The following GLT8D1 variants were observed in gnomAD, a reference collection of about 807,000 sequenced individuals.
The protein encoded by GLT8D1 is glycosyltransferase 8 domain containing 1, also known as glycosyltransferase 8 domain-containing protein 1.
Under a neutral mutation model 46.2 loss-of-function variants are expected in GLT8D1, and 41 were observed. The observed-to-expected ratio is 0.89, with a 90% CI of 0.69 to 1.15. The LOEUF (loss-of-function observed/expected upper bound fraction) is 1.15, where lower values mean the gene tolerates loss of function less well. Ranked by LOEUF, GLT8D1 falls within the 50% of genes most tolerant of loss-of-function variation. The pLI is 0.00. For synonymous variants in GLT8D1, 150 were observed against 154.2 expected, an observed-to-expected ratio of 0.97 and a Z score of 0.20; for missense variants, 408 against 449.3, an observed-to-expected ratio of 0.91 and a Z score of 0.83.
rs201119326 is a variant in GLT8D1, at chr3:52,695,456, A to G, written c.777T>C (p.Thr259=). 7.4e-6 allele frequency: 12 copies of G among 1,613,934 alleles called. No individual in the cohort carries two copies. Among genetic ancestry groups the G allele is most frequent in the South Asian group, 6.6e-5 (6 of 91,058 alleles). ...NLTEWKRQNI[T]NQLEKWMKLN... ...GTTTCATCCATTTTTCCAGTTGGTT[A>G]GTTATATTCTGTCGTTTCCATTCCG... The change falls in exon 8 of 10, where the codon ACT becomes ACC. Residue 259 remains threonine, a synonymous_variant. Coordinates refer to ENST00000266014, the MANE Select transcript of GLT8D1 (RefSeq NM_018446.4).
intron 5 of GLT8D1, 71 bp from the exon 6 acceptor site, chr3:52,696,389 G>T: frequency 8.5e-7 from 1 of 1,173,302 alleles, no homozygotes; most frequent in Non-Finnish European, 1.3e-6. Flanking sequence ...GAAACTCCTA[G>T]GATGCTTTCA....
chr3:52,696,203 A>C (rs1313333500), intron 6 of GLT8D1, 31 bp downstream of exon 6: 1 of 1,419,320 alleles, frequency 7.0e-7, no homozygotes, highest in South Asian at 1.1e-5. Flanking sequence ...ATCTGGGTGG[A>C]GAACAGCACT....
At position 52,700,353 on chromosome 3, in the gene GLT8D1, G is replaced by T. The variant is rs1430292468; in HGVS notation, c.24C>A (p.Ile8=). 1.2e-6 allele frequency: 2 copies of T among 1,611,768 alleles called. No homozygotes were observed. Among genetic ancestry groups the T allele is most frequent in the Admixed American group, 1.7e-5 (1 of 59,906 alleles). MSFRKVN[I]IILVLAVALF... is the part of the protein sequence containing the mutation. ...GAGCAACAGCCAGGACCAAGATGAT[G>T]ATGTTTACTGAAATAGATAGGGAAA... Residue 8 remains isoleucine, a synonymous_variant, in exon 3 of 10, where the codon ATC becomes ATA. Transcript: ENST00000266014.
chr3:52,694,805 G>A lies in GLT8D1; in HGVS notation c.*40C>T. On this transcript the variant is annotated 3_prime_UTR_variant, in exon 10 of 10. Transcript: ENST00000266014. ...ACTTCCCACGCATGCTATCTTCCAGGACTTCCTGAGAAATGCTTGCTTACA... is the reference window on the plus strand; with the variant it reads ...ACTTCCCACGCATGCTATCTTCCAGAACTTCCTGAGAAATGCTTGCTTACA... The A allele has an allele frequency of 7.2e-7, 1 of 1,394,022 alleles. No homozygotes were observed. Among genetic ancestry groups the A allele is most frequent in the South Asian group, 1.2e-5 (1 of 86,568 alleles). 86.4% of individuals were successfully genotyped at this position (1,394,022 alleles called of 1,614,324 possible). A position where few individuals can be genotyped will look rare whatever the true frequency, so the allele number is the denominator to read the frequency against.
intron 8 of GLT8D1, 47 bp from the exon 9 acceptor site, chr3:52,695,349 A>G (rs770890654): frequency 1.3e-6 from 2 of 1,582,938 alleles, no homozygotes; most frequent in Non-Finnish European, 1.7e-6. Context: ...AGTACTGACT[A>G]ACTCCTGTTA....
At position 52,694,869 on chromosome 3, in the gene GLT8D1, A is replaced by AT; in HGVS notation, c.1091dup (p.Tyr364Ter). 1 of 1,611,344 alleles carries AT rather than the reference A, an allele frequency of 6.2e-7. No homozygotes were observed. Among genetic ancestry groups the AT allele is most frequent in the Non-Finnish European group, 8.5e-7 (1 of 1,177,448 alleles). ...PTGKFNLIRR[Y>*]TEISNIK ...TTCACTTTATGTTTGAGATCTCGGT[A>AT]TATCTTCGGATTAGGTTGAATTTGC... Residue 364 changes from tyrosine (Y) to a stop codon, truncating the protein, a stop_gained and frameshift_variant, in exon 10 of 10, where the codon TAT (tyrosine) becomes TAAT (stop). Transcript: ENST00000266014. LOFTEE classifies it high-confidence loss of function.
At chr3:52,697,039 G>GT (rs1277868445) in intron 4 of GLT8D1, among the ~76,000 whole-genome samples, 2 of 130,050 alleles carry the variant, frequency 1.5e-5, no homozygotes, top group African/African-American at 5.9e-5. Flanking sequence ...TCAAATCAGT[G>GT]TTTTGTGGCT....
At chr3:52,696,862 A>T (rs1193524383) in intron 4 of GLT8D1, among the ~76,000 whole-genome samples, 1 of 55,258 alleles carries the variant, frequency 1.8e-5, no homozygotes, top group Non-Finnish European at 3.7e-5. Context: ...ATCTTCTAAC[A>T]CTAAAACTAC....
intron 1 of GLT8D1, among the ~76,000 whole-genome samples, chr3:52,702,411 T>C (rs372760911): frequency 6.6e-6 from 1 of 152,062 alleles, no homozygotes; most frequent in East Asian, 1.9e-4. Context: ...CCAGGCATGG[T>C]GACGTGCATC....
rs769585646 is a variant in GLT8D1 at position 52,697,899 on chromosome 3, CAA to C, written c.149_150del (p.Phe50CysfsTer24). On this transcript the variant is annotated frameshift_variant, in exon 4 of 10. Transcript: ENST00000266014. LOFTEE classifies it high-confidence loss of function. ...ACTGCATGTCGGAGAGCATTTGGGA[CAA>C]AGTCTATAGGTTGAGGCCCTACAAT... ...SGIVGPQPID[F>X]VPNALRHAVD... 5.0e-6 allele frequency: 8 copies of C among 1,613,400 alleles called. No individual in the cohort carries two copies. The highest frequency in any genetic ancestry group is 4.4e-5 in the South Asian group (4 of 91,066).
chr3:52,702,222 G>C (rs1275701247), intron 1 of GLT8D1, among the ~76,000 whole-genome samples: 2 of 152,172 alleles, frequency 1.3e-5, no homozygotes, highest in African/African-American at 2.4e-5. Context: ...CCTTTGTAAA[G>C]AAGAGAAATA....
At chr3:52,697,976 C>T in intron 3 of GLT8D1, 42 bp from the exon 4 acceptor site, 2 of 1,212,242 alleles carry the variant, frequency 1.6e-6, no homozygotes, top group South Asian at 1.2e-5. Context: ...ATCTCATGGG[C>T]TTTTGATATA....
chr3:52,696,261 A>C lies in GLT8D1; in HGVS notation c.505T>G (p.Tyr169Asp), dbSNP rs765076471. 1 of 1,610,464 alleles carries C rather than the reference A, an allele frequency of 6.2e-7. No individual in the cohort carries two copies. The change falls in exon 6 of 10, where the codon TAC (tyrosine) becomes GAC (aspartate). Residue 169 changes from tyrosine (Y) to aspartate (D), a missense_variant. Physicochemically the swap from Tyr to Asp is radical, Grantham distance 160. Transcript: ENST00000266014. Reference protein sequence around the residue: ...ILVPSAKKAIYMDDDVIVQGD... With the variant: ...ILVPSAKKAIDMDDDVIVQGD... ...TGCACAATTACATCATCATCCATGTATATGGCCTTCTTTGCGCTGGGAACC... is the reference window on the plus strand; with the variant it reads ...TGCACAATTACATCATCATCCATGTCTATGGCCTTCTTTGCGCTGGGAACC...
In GLT8D1 at chr3:52,697,791, T is replaced by C; in HGVS notation, c.259A>G (p.Ile87Val). Residue 87 changes from isoleucine to valine, a missense_variant, in exon 4 of 10, where the codon ATT (isoleucine) becomes GTT (valine). Ile to Val is a conservative substitution (Grantham distance 29, BLOSUM62 3). Transcript: ENST00000266014. Reference sequence around the variant, plus strand: ...ACATTGGAGCGAGTGTTGTGCTGAATGCTGTTTATAGCTGCAATGGCCCCC... The same window carrying C: ...ACATTGGAGCGAGTGTTGTGCTGAACGCTGTTTATAGCTGCAATGGCCCCC... ...LGGAIAAINS[I>V]QHNTRSNVIF... 6.2e-7 allele frequency: 1 copy of C among 1,614,038 alleles called. No individual in the cohort carries two copies.
chr3:52,697,967 T>C, intron 3 of GLT8D1, 33 bp from the exon 4 acceptor site: 1 of 1,327,030 alleles, frequency 7.5e-7, no homozygotes, highest in Non-Finnish European at 1.1e-6. Flanking sequence ...GTGATTACAA[T>C]CTCATGGGCT....
chr3:52,701,791 C>A (rs1293917724), intron 1 of GLT8D1, among the ~76,000 whole-genome samples: 2 of 152,200 alleles, frequency 1.3e-5, no homozygotes, highest in Admixed American at 1.3e-4. Flanking sequence ...CTGACCTTCA[C>A]TTTTTCAAAA....
rs761711728 is a variant in GLT8D1 at position 52,697,707 on chromosome 3, T to A, written c.329+14A>T. The stretch of plus-strand genomic sequence containing the variant: ...ATCATCCTCTAGAAGCAGAATCACA[T>A]AAGCAGAGCTCACCGGAGATGGTCT... On this transcript the variant is annotated intron_variant, in intron 4 of 9. Coordinates refer to ENST00000266014, the MANE Select transcript of GLT8D1 (RefSeq NM_018446.4). The A allele has an allele frequency of 1.3e-6, 2 of 1,553,104 alleles. No homozygotes were observed. Among genetic ancestry groups the A allele is most frequent in the South Asian group, 2.2e-5 (2 of 89,944 alleles).
intron 8 of GLT8D1, 31 bp downstream of exon 8, chr3:52,695,390 T>A: frequency 6.2e-7 from 1 of 1,603,364 alleles, no homozygotes; most frequent in Non-Finnish European, 8.5e-7. Context: ...AATACAACAG[T>A]TTTTCACAGC....
intron 4 of GLT8D1, among the ~76,000 whole-genome samples, chr3:52,697,275 C>T (rs2097334736): frequency 6.6e-6 from 1 of 152,134 alleles, no homozygotes; most frequent in African/African-American, 2.4e-5. Flanking sequence ...TCCAAGTTTC[C>T]CCAGATCACT....
Sources: gnomAD v4.1 joint callset for allele counts (sites outside exome capture counted in the v4.1 genomes callset) on GRCh38, gnomAD v4.1.1 for gene constraint, MANE v1.5 for transcripts, NCBI Gene and HGNC (gene_info 2026-07-23, HGNC 2026-07-21) for gene names.